Variants in VPS13B observed in about 807,000 individuals in gnomAD.
VPS13B encodes the protein intermembrane lipid transfer protein VPS13B.
In VPS13B, 285 loss-of-function variants were observed where a neutral mutation model predicts 426.4. The observed-to-expected ratio is 0.67, with a 90% confidence interval of 0.61 to 0.74. The LOEUF (loss-of-function observed/expected upper bound fraction) is 0.74. Among genes scored for constraint, VPS13B ranks in the 30% least tolerant of loss-of-function variants. VPS13B has a pLI of 0.00. For synonymous variants in VPS13B, 1,676 were observed against 1,676.4 expected, an observed-to-expected ratio of 1.00 and a Z score of 0.01; for missense variants, 4,537 against 4,782.6, an observed-to-expected ratio of 0.95 and a Z score of 1.51.
chr8:99,393,088 G>T (rs972967573), intron 21 of VPS13B, among the ~76,000 whole-genome samples: 1 of 151,942 alleles, frequency 6.6e-6, no homozygotes, highest in East Asian at 1.9e-4. Context: ...AAAAAAAATG[G>T]TAAGAATTAC....
intron 30 of VPS13B, among the ~76,000 whole-genome samples, chr8:99,524,862 A>T (rs745499226): frequency 9.2e-5 from 14 of 152,210 alleles, no homozygotes; most frequent in Non-Finnish European, 1.9e-4. Context: ...TGGAAATCTT[A>T]CAGTCCAGGA....
At position 99,699,441 on chromosome 8, in the gene VPS13B, T is replaced by G; in HGVS notation, c.6047-84T>G. The G allele has an allele frequency of 4.0e-6, 6 of 1,482,816 alleles. No homozygotes were observed. In the South Asian group the frequency reaches 5.9e-5, roughly 15 times the overall value. 91.9% of individuals were successfully genotyped at this position (1,482,816 alleles called of 1,614,324 possible). A position where few individuals can be genotyped will look rare whatever the true frequency, so the allele number is the denominator to read the frequency against. On this transcript the variant is annotated intron_variant, in intron 35 of 61. Coordinates refer to ENST00000357162, the MANE Select transcript of VPS13B (RefSeq NM_152564.5). Reference sequence around the variant, plus strand: ...CCATAATATGGATCTTGGGACACTTTTATGTAGGAGCTTGTCAGAGAAGTA... The same window carrying G: ...CCATAATATGGATCTTGGGACACTTGTATGTAGGAGCTTGTCAGAGAAGTA...
Position 99,126,801 on chromosome 8 carries a change from A to G in VPS13B, c.1206+5356A>G, listed in dbSNP as rs1239513435. The stretch of plus-strand genomic sequence containing the variant: ...CTTTGGGATATGCTTCTTTTTCTTT[A>G]AAAATGTTATCGCTGGGCACAGTGG... On this transcript the variant is annotated intron_variant, in intron 8 of 61. Coordinates refer to ENST00000357162, the MANE Select transcript of VPS13B (RefSeq NM_152564.5). 2.0e-5 allele frequency among the ~76,000 whole-genome samples: 3 copies of G among 152,144 alleles called. No individual in the cohort carries two copies. In the South Asian group the frequency reaches 6.2e-4, roughly 32 times the overall value.
At chr8:99,706,398 C>G (rs1386620424) in intron 36 of VPS13B, among the ~76,000 whole-genome samples, 5 of 152,074 alleles carry the variant, frequency 3.3e-5, no homozygotes, top group African/African-American at 1.2e-4. Flanking sequence ...TTTACACAGC[C>G]CACATGTGTC....
intron 3 of VPS13B, among the ~76,000 whole-genome samples, chr8:99,087,213 G>A (rs1207823049): frequency 6.6e-6 from 1 of 152,162 alleles, no homozygotes; most frequent in Non-Finnish European, 1.5e-5. Context: ...AGACTGCTGT[G>A]CTAGCAATCA....
intron 15 of VPS13B, among the ~76,000 whole-genome samples, chr8:99,165,807 C>G (rs1190705585): frequency 6.6e-6 from 1 of 152,090 alleles, no homozygotes; most frequent in Non-Finnish European, 1.5e-5. Context: ...AAAATTTTGC[C>G]TACAGGCTCA....
intron 23 of VPS13B, among the ~76,000 whole-genome samples, chr8:99,446,829 C>G (rs551328704): frequency 6.6e-6 from 1 of 152,158 alleles, no homozygotes; most frequent in Non-Finnish European, 1.5e-5. Flanking sequence ...TCCCAGTACT[C>G]AGAAGATCTT....
chr8:99,844,010 C>T (rs529300580), intron 54 of VPS13B, among the ~76,000 whole-genome samples: 42 of 152,260 alleles, frequency 2.8e-4, no homozygotes, highest in Non-Finnish European at 5.9e-4. Flanking sequence ...GAAAGTTATA[C>T]CCTTGATTTA....
intron 33 of VPS13B, among the ~76,000 whole-genome samples, chr8:99,635,340 T>C (rs775145271): frequency 2.7e-4 from 41 of 152,136 alleles, no homozygotes; most frequent in Middle Eastern, 3.4e-3. Flanking sequence ...TTTTATAATT[T>C]ATAAGATATG....
At chr8:99,319,870 T>A (rs1280075144) in intron 19 of VPS13B, among the ~76,000 whole-genome samples, 2 of 152,190 alleles carry the variant, frequency 1.3e-5, no homozygotes, top group Non-Finnish European at 2.9e-5. Context: ...ATGGATTAAA[T>A]AATATAACGT....
chr8:99,810,764 T>C (rs1813657503), intron 44 of VPS13B, among the ~76,000 whole-genome samples: 1 of 152,172 alleles, frequency 6.6e-6, no homozygotes, highest in African/African-American at 2.4e-5. Context: ...TGACAGTAAG[T>C]GTAAAGGGAA....
At chr8:99,373,692 T>G (rs1461877656) in intron 19 of VPS13B, among the ~76,000 whole-genome samples, 1 of 152,106 alleles carries the variant, frequency 6.6e-6, no homozygotes, top group Non-Finnish European at 1.5e-5. Context: ...ACATCGTCTC[T>G]GCAAAAAATA....
intron 7 of VPS13B, among the ~76,000 whole-genome samples, chr8:99,116,982 A>G (rs1192299785): frequency 6.6e-6 from 1 of 152,202 alleles, no homozygotes; most frequent in Non-Finnish European, 1.5e-5. Context: ...TAGTTAGTTA[A>G]GTATGATGAA....
chr8:99,779,128 A>G (rs1165152296), intron 42 of VPS13B, 97 bp downstream of exon 42: 9 of 1,193,316 alleles, frequency 7.5e-6, no homozygotes, highest in Non-Finnish European at 1.1e-5. Context: ...AACACAAACA[A>G]AAATGTTAGA....
intron 36 of VPS13B, among the ~76,000 whole-genome samples, chr8:99,713,946 C>G (rs112182737): frequency 1.1e-3 from 164 of 152,198 alleles, no homozygotes; most frequent in African/African-American, 3.8e-3. Context: ...TTGAGACCAG[C>G]CTGGCCAACA....
intron 19 of VPS13B, among the ~76,000 whole-genome samples, chr8:99,370,157 G>A (rs987215786): frequency 6.6e-6 from 1 of 152,124 alleles, no homozygotes; most frequent in Non-Finnish European, 1.5e-5. Context: ...CACTGTGCTT[G>A]GCATTGGATG....
intron 3 of VPS13B, among the ~76,000 whole-genome samples, chr8:99,054,091 G>A (rs1563509687): frequency 6.6e-6 from 1 of 152,194 alleles, no homozygotes; most frequent in South Asian, 2.1e-4. Context: ...GGACACTTGG[G>A]TTGCTTTCAT....
chr8:99,592,252 C>G (rs1475884887), intron 33 of VPS13B, among the ~76,000 whole-genome samples: 1 of 151,986 alleles, frequency 6.6e-6, no homozygotes, highest in African/African-American at 2.4e-5. Flanking sequence ...CCTTGCGATG[C>G]ATTCGAACAT....
chr8:99,298,069 A>G (rs536444974), intron 19 of VPS13B, among the ~76,000 whole-genome samples: 43 of 152,328 alleles, frequency 2.8e-4, no homozygotes, highest in African/African-American at 1.0e-3. Context: ...TTTGCCCTTG[A>G]TAAACATTGT....
Sources: allele counts gnomAD v4.1 joint callset (sites outside exome capture counted in the v4.1 genomes callset), GRCh38; gene constraint gnomAD v4.1.1; transcripts MANE v1.5; gene names NCBI Gene and HGNC (gene_info 2026-07-23, HGNC 2026-07-21).